Variants in ZFP64 observed in about 807,000 individuals in gnomAD.
ZFP64 encodes zinc finger protein 64.
Under a neutral mutation model 51.6 loss-of-function variants are expected in ZFP64, and 14 were observed. The observed-to-expected ratio is 0.27, with a 90% CI of 0.18 to 0.42. The LOEUF (loss-of-function observed/expected upper bound fraction) is 0.42. Among genes scored for constraint, ZFP64 ranks in the 10% least tolerant of loss-of-function variants. The pLI is 1.00. For missense variants in ZFP64, 754 were observed against 906.8 expected, an observed-to-expected ratio of 0.83 and a Z score of 2.16; for synonymous variants, 375 against 361.4, an observed-to-expected ratio of 1.04 and a Z score of -0.43.
At chr20:52,145,515 G>C (rs1980480036) in intron 5 of ZFP64, among the ~76,000 whole-genome samples, 1 of 152,158 alleles carries the variant, frequency 6.6e-6, no homozygotes, top group African/African-American at 2.4e-5. Flanking sequence ...GTACATGCCT[G>C]TGGTCCCAGC....
intron 5 of ZFP64, among the ~76,000 whole-genome samples, chr20:52,114,406 G>C (rs1186415442): frequency 6.6e-6 from 1 of 152,172 alleles, no homozygotes; most frequent in African/African-American, 2.4e-5. Context: ...CTTGTTAAAA[G>C]TCAGATTCTG....
chr20:52,163,512 C>T (rs1278027420), intron 4 of ZFP64, among the ~76,000 whole-genome samples: 1 of 152,166 alleles, frequency 6.6e-6, no homozygotes, highest in Non-Finnish European at 1.5e-5. Flanking sequence ...CCAATCAATA[C>T]TTGAAACTTA....
intron 5 of ZFP64, among the ~76,000 whole-genome samples, chr20:52,123,814 G>C (rs1979311808): frequency 6.6e-6 from 1 of 151,590 alleles, no homozygotes. Context: ...CCAGCCCCTA[G>C]AGGGTGGTAT....
chr20:52,102,107 C>CAAAAAAAAAAAAAAAAAAAAAAAA lies in ZFP64; in HGVS notation c.764-3521_764-3520insTTTTTTTTTTTTTTTTTTTTTTTT, dbSNP rs34646115. 1.0e-3 allele frequency among the ~76,000 whole-genome samples: 66 copies of CAAAAAAAAAAAAAAAAAAAAAAAA among 63,398 alleles called. 1 individual carries two copies. The highest frequency in any genetic ancestry group is 2.0e-3 in the Admixed American group (11 of 5,382). The allele number at this position is 63,398 out of a possible 152,430, so 41.6% of individuals were successfully genotyped here. On this transcript the variant is annotated intron_variant, in intron 5 of 8. Transcript: ENST00000361387. Reference sequence around the variant, plus strand: ...AGCCTGGTGAGAGTAACTCCATCTCCAAAAAAAAAAAAAAAAAAGGCAGCA... The same window carrying CAAAAAAAAAAAAAAAAAAAAAAAA: ...AGCCTGGTGAGAGTAACTCCATCTCCAAAAAAAAAAAAAAAAAAAAAAAAAAAAAAAAAAAAAAAAAAGGCAGCA...
intron 2 of ZFP64, chr20:52,175,784 C>T: frequency 2.3e-6 from 1 of 441,194 alleles, no homozygotes; most frequent in Non-Finnish European, 3.0e-6. Flanking sequence ...GCAGAGGTTG[C>T]AGTGAGCCGA....
At chr20:52,108,286 G>A (rs567803384) in intron 5 of ZFP64, among the ~76,000 whole-genome samples, 2 of 152,180 alleles carry the variant, frequency 1.3e-5, no homozygotes, top group Admixed American at 6.5e-5. Context: ...ATTATAAAAT[G>A]TCTTGATTTT....
chr20:52,120,002 T>C (rs1487065731), intron 5 of ZFP64, among the ~76,000 whole-genome samples: 1 of 152,068 alleles, frequency 6.6e-6, no homozygotes, highest in Non-Finnish European at 1.5e-5. Flanking sequence ...CCCCACATGA[T>C]GGTATTAAGA....
At chr20:52,099,335 TA>T (rs2079026841) in intron 5 of ZFP64, among the ~76,000 whole-genome samples, 1 of 150,466 alleles carries the variant, frequency 6.6e-6, no homozygotes, top group African/African-American at 2.5e-5. Context: ...TTTTTTTTTT[TA>T]AGATGCTTAC....
At chr20:52,101,940 CAAAAAAAAAA>C (rs1190342919) in intron 5 of ZFP64, among the ~76,000 whole-genome samples, 1 of 77,688 alleles carries the variant, frequency 1.3e-5, no homozygotes, top group Non-Finnish European at 2.6e-5. Context: ...CTAAAAATAC[CAAAAAAAAAA>C]AAAAAAAAAA....
intron 5 of ZFP64, among the ~76,000 whole-genome samples, chr20:52,122,968 T>G (rs781043912): frequency 6.7e-6 from 1 of 149,630 alleles, no homozygotes; most frequent in Non-Finnish European, 1.5e-5. Flanking sequence ...GTTGATAAAG[T>G]AGCAGCAGGG....
At chr20:52,161,927 C>T (rs1490296350) in intron 4 of ZFP64, among the ~76,000 whole-genome samples, 1 of 152,066 alleles carries the variant, frequency 6.6e-6, no homozygotes, top group African/African-American at 2.4e-5. Context: ...TAGCCAAGTG[C>T]TAAAATAGCC....
rs753887297 is a variant in ZFP64, at chr20:52,085,048, G to A, written c.1447C>T (p.Leu483=). The A allele has an allele frequency of 1.2e-6, 2 of 1,614,180 alleles. No individual in the cohort carries two copies. The highest frequency in any genetic ancestry group is 1.7e-5 in the Admixed American group (1 of 60,038). ...GCCTGGTGCAGCCGGCTGTGCTCCA[G>A]GAGGTCAGCCCGGTCCCGGCCCTGG... The change falls in exon 9 of 9, where the codon CTG becomes TTG. Residue 483 remains leucine, a synonymous_variant. Transcript: ENST00000361387. The surrounding 1 kb of genome is among the most constrained non-coding windows in gnomAD (Gnocchi z 4.3).
intron 5 of ZFP64, among the ~76,000 whole-genome samples, chr20:52,104,116 C>T (rs898458053): frequency 2.6e-5 from 4 of 152,206 alleles, no homozygotes; most frequent in South Asian, 4.1e-4. Context: ...CAGCTAACCA[C>T]GGGGAGCTGG....
At chr20:52,094,738 A>T (rs912551716) in intron 7 of ZFP64, among the ~76,000 whole-genome samples, 2 of 151,026 alleles carry the variant, frequency 1.3e-5, no homozygotes, top group Admixed American at 1.3e-4. Flanking sequence ...ACCCTGTCTC[A>T]AAATAAATAA....
At chr20:52,123,000 T>G (rs965793066) in intron 5 of ZFP64, among the ~76,000 whole-genome samples, 3 of 152,150 alleles carry the variant, frequency 2.0e-5, no homozygotes, top group Admixed American at 6.6e-5. Flanking sequence ...TGACTCTTTT[T>G]TTTTTCAGAC....
intron 5 of ZFP64, among the ~76,000 whole-genome samples, chr20:52,132,902 C>CA (rs77290230): frequency 0.37 from 55,240 of 151,264 alleles, 10,796 homozygotes; most frequent in Non-Finnish European, 0.42. Context: ...AAAAACACAT[C>CA]AAAAAAAAGA....
Position 52,164,714 on chromosome 20 carries a change from C to T in ZFP64, c.492G>A (p.Arg164=), listed in dbSNP as rs1982100783. Residue 164 remains arginine, a synonymous_variant, in exon 4 of 6, where the codon CGG becomes CGA. Coordinates refer to ENST00000216923, the MANE Select transcript of ZFP64 (RefSeq NM_018197.3). ...KTAYGMKDME[R]HLKIHTGDKP... The stretch of plus-strand genomic sequence containing the variant: ...ACTTACCCGTGTGAATTTTTAAATG[C>T]CGCTCCATGTCCTTCATGCCATAAG... 6.2e-7 allele frequency: 1 copy of T among 1,613,746 alleles called. No homozygotes were observed. The highest frequency in any genetic ancestry group is 1.1e-5 in the South Asian group (1 of 91,056).
chr20:52,182,906 A>C (rs1983711148), intron 2 of ZFP64, among the ~76,000 whole-genome samples: 1 of 152,166 alleles, frequency 6.6e-6, no homozygotes, highest in Non-Finnish European at 1.5e-5. Context: ...AGTGATGGAG[A>C]TACACCTTAA....
Position 52,085,014 on chromosome 20 carries a change from G to C in ZFP64, c.1481C>G (p.Pro494Arg), listed in dbSNP as rs767930294. 2 of 1,613,984 alleles carry C rather than the reference G, an allele frequency of 1.2e-6. No homozygotes were observed. Among genetic ancestry groups the C allele is most frequent in the African/African-American group, 1.3e-5 (1 of 74,954 alleles). ...GTAGCTGCACTCTGGACACTTCTCC[G>C]GGTGGTCGGCCTGGTGCAGCCGGCT... Residue 494 changes from proline (P) to arginine (R), a missense_variant, in exon 9 of 9, where the codon CCG becomes CGG. Transcript: ENST00000361387. This position sits in a 1 kb window ranked among gnomAD's most constrained non-coding sequence, Gnocchi z 4.3.
Sources: gnomAD v4.1 joint callset for allele counts (sites outside exome capture counted in the v4.1 genomes callset) on GRCh38, gnomAD v4.1.1 for gene constraint, Gnocchi (gnomAD v3.1) non-coding constraint, MANE v1.5 for transcripts, NCBI Gene and HGNC (gene_info 2026-07-23, HGNC 2026-07-21) for gene names.